Variants in ANKFN1 observed in about 807,000 individuals in gnomAD.
ANKFN1 encodes ankyrin repeat and fibronectin type III domain containing 1, also known as ankyrin repeat and fibronectin type-III domain-containing protein 1.
ANKFN1 carries 74 observed loss-of-function variants against 108.7 expected under a neutral mutation model. The observed-to-expected ratio is 0.68, with a 90% CI of 0.56 to 0.83. ANKFN1 has a LOEUF of 0.83. Among genes scored for constraint, ANKFN1 ranks in the 40% least tolerant of loss-of-function variants. The pLI, the probability that ANKFN1 is intolerant of heterozygous loss-of-function variation, is 0.00. For missense variants in ANKFN1, 1,505 were observed against 1,382.3 expected, an observed-to-expected ratio of 1.09 and a Z score of -1.41; for synonymous variants, 547 against 516.2, an observed-to-expected ratio of 1.06 and a Z score of -0.81.
intron 1 of ANKFN1, among the ~76,000 whole-genome samples, chr17:56,167,316 CACATATAT>C (rs1567814072): frequency 2.6e-5 from 2 of 75,742 alleles, no homozygotes; most frequent in African/African-American, 1.2e-4. Context: ...CACACACACA[CACATATAT>C]ATATATATAT....
chr17:56,107,718 C>T (rs71387438), intron 4 of ANKFN1, among the ~76,000 whole-genome samples: 5,072 of 152,154 alleles, frequency 0.033, 131 homozygotes, highest in Middle Eastern at 0.068. Context: ...CACACCTGGC[C>T]CCTCCCCTGT....
chr17:56,478,403 G>C (rs774658330), intron 16 of ANKFN1, among the ~76,000 whole-genome samples: 1 of 151,956 alleles, frequency 6.6e-6, no homozygotes, highest in African/African-American at 2.4e-5. Flanking sequence ...TGATTCCCCC[G>C]ATCTTAAAAA....
At chr17:56,434,014 C>T (rs559451678) in intron 8 of ANKFN1, among the ~76,000 whole-genome samples, 53 of 151,882 alleles carry the variant, frequency 3.5e-4, no homozygotes, top group Admixed American at 9.8e-4. Flanking sequence ...CCGTCCTGGG[C>T]GACAGAGCAA....
chr17:56,120,138 G>A (rs1173960786), intron 4 of ANKFN1, among the ~76,000 whole-genome samples: 2 of 151,980 alleles, frequency 1.3e-5, no homozygotes, highest in Admixed American at 6.6e-5. Context: ...TTACCATTTC[G>A]ATTACATTAC....
chr17:56,305,524 T>C (rs1567899824), intron 3 of ANKFN1, among the ~76,000 whole-genome samples: 1 of 152,206 alleles, frequency 6.6e-6, no homozygotes, highest in Non-Finnish European at 1.5e-5. Context: ...TTTTGAGAAA[T>C]CTTTATATAT....
rs922819816 is a variant in ANKFN1, at chr17:56,512,185, G to A, written c.*916G>A. Among the ~76,000 whole-genome samples, 2 of 152,192 alleles carry A rather than the reference G, an allele frequency of 1.3e-5. No homozygotes were observed. Among genetic ancestry groups the A allele is most frequent in the Non-Finnish European group, 2.9e-5 (2 of 68,038 alleles). On this transcript the variant is annotated 3_prime_UTR_variant, in exon 21 of 21. Transcript: ENST00000682825. ...GTAAGTCCATGGGGGCTGTGTCTCT[G>A]AAAATCATAGTGGATCAGCTCCAGA...
intron 8 of ANKFN1, among the ~76,000 whole-genome samples, chr17:56,425,758 C>A (rs2048543789): frequency 6.6e-6 from 1 of 152,194 alleles, no homozygotes; most frequent in Non-Finnish European, 1.5e-5. Context: ...CCACTCCCTG[C>A]CAGACTGTTT....
At chr17:56,079,443 C>A (rs1351163751) in intron 4 of ANKFN1, among the ~76,000 whole-genome samples, 2 of 152,112 alleles carry the variant, frequency 1.3e-5, no homozygotes, top group Admixed American at 6.5e-5. Flanking sequence ...GAGAAGTGAC[C>A]ACAGCCAGAT....
intron 1 of ANKFN1, chr17:56,184,681 T>C (rs1160340760): frequency 6.6e-6 from 1 of 152,252 alleles, no homozygotes. Flanking sequence ...TGCTTCAGTG[T>C]CATTTGAGAA....
At chr17:56,098,575 A>AT (rs1470194110) in intron 4 of ANKFN1, among the ~76,000 whole-genome samples, 4 of 152,198 alleles carry the variant, frequency 2.6e-5, no homozygotes, top group Admixed American at 2.6e-4. Context: ...CGTAAGCTCC[A>AT]TAAGGGCAGG....
chr17:56,455,119 T>A (rs2049640060), intron 11 of ANKFN1, among the ~76,000 whole-genome samples: 2 of 152,198 alleles, frequency 1.3e-5, no homozygotes, highest in African/African-American at 4.8e-5. Context: ...CACTGCTGTC[T>A]TTGACTTCAT....
chr17:56,392,283 A>C, intron 8 of ANKFN1, among the ~76,000 whole-genome samples: 1 of 152,188 alleles, frequency 6.6e-6, no homozygotes, highest in East Asian at 1.9e-4. Flanking sequence ...AACCACCAGC[A>C]AATCCTGGGC....
At position 56,195,129 on chromosome 17, in the gene ANKFN1, G is replaced by A. The variant is rs150571948; in HGVS notation, c.-70-17469G>A. Among the ~76,000 whole-genome samples the A allele has an allele frequency of 1.7e-3, 263 of 152,298 alleles. 3 individuals are homozygous for A. The highest frequency in any genetic ancestry group is 6.1e-3 in the African/African-American group (253 of 41,574). ...CCTATTTGAACAGTTCACCCTAAGA[G>A]CATTAATATTCCTTTGGCCTTCAAA... On this transcript the variant is annotated intron_variant, in intron 1 of 20. Coordinates refer to ENST00000682825, the MANE Select transcript of ANKFN1 (RefSeq NM_001370326.1).
intron 4 of ANKFN1, among the ~76,000 whole-genome samples, chr17:56,336,354 CTT>C (rs2045810496): frequency 6.6e-6 from 1 of 152,044 alleles, no homozygotes; most frequent in Non-Finnish European, 1.5e-5. Flanking sequence ...GTCCTGGACT[CTT>C]TTTGGTTGGT....
intron 4 of ANKFN1, among the ~76,000 whole-genome samples, chr17:56,346,264 C>A (rs974482408): frequency 6.6e-6 from 1 of 152,040 alleles, no homozygotes; most frequent in Non-Finnish European, 1.5e-5. Flanking sequence ...GTTTTGGTAC[C>A]AGTACCATGC....
chr17:56,374,647 C>T lies in ANKFN1; in HGVS notation c.843C>T (p.Ser281=), dbSNP rs1320575646. ...PTNVCLMVTS[S]TSLTVSFQEP... The stretch of plus-strand genomic sequence containing the variant: ...ATGTCTGTCTCATGGTAACCAGCAG[C>T]ACATCACTCACTGTCAGCTTCCAAG... The change falls in exon 8 of 21, where the codon AGC becomes AGT. Residue 281 remains serine (S), a synonymous_variant. Coordinates refer to ENST00000682825, the MANE Select transcript of ANKFN1 (RefSeq NM_001370326.1). The T allele has an allele frequency of 1.2e-6, 2 of 1,613,854 alleles. No individual in the cohort carries two copies. The highest frequency in any genetic ancestry group is 2.7e-5 in the African/African-American group (2 of 74,926).
rs60304505 is a variant in ANKFN1 at position 56,170,774 on chromosome 17, TTA to T, written c.-71+17277_-71+17278del. On this transcript the variant is annotated intron_variant, in intron 1 of 20. Coordinates refer to ENST00000682825, the MANE Select transcript of ANKFN1 (RefSeq NM_001370326.1). ...TGAGACTCTGTCAAGAAAAAATTTT[TTA>T]TATATATATATATATATATATATAT... Among the ~76,000 whole-genome samples, 340 of 68,036 alleles carry T rather than the reference TTA, an allele frequency of 5.0e-3. 4 individuals carry two copies. The highest frequency in any genetic ancestry group is 0.024 in the South Asian group (37 of 1,526). 44.6% of individuals were successfully genotyped at this position (68,036 alleles called of 152,430 possible).
chr17:56,258,368 A>G (rs537237849), intron 3 of ANKFN1: 2 of 152,276 alleles, frequency 1.3e-5, no homozygotes, highest in South Asian at 4.1e-4. Flanking sequence ...AATGGTTGCT[A>G]TGATGCTATT....
chr17:56,361,773 G>T (rs60229359), intron 6 of ANKFN1, among the ~76,000 whole-genome samples: 1 of 151,890 alleles, frequency 6.6e-6, no homozygotes, highest in Non-Finnish European at 1.5e-5. Context: ...CCCCACTTCC[G>T]AGCTTACTCA....
Sources: gnomAD v4.1 joint callset for allele counts (sites outside exome capture counted in the v4.1 genomes callset) on GRCh38, gnomAD v4.1.1 for gene constraint, MANE v1.5 for transcripts, NCBI Gene and HGNC (gene_info 2026-07-23, HGNC 2026-07-21) for gene names.